FBN1: variants seen among roughly 807,000 people sequenced by gnomAD.
FBN1 encodes fibrillin 1, also known as fibrillin-1.
In FBN1, 29 loss-of-function variants were observed where a neutral mutation model predicts 365.1. That is an observed-to-expected ratio of 0.08 (90% confidence interval 0.06 to 0.11). The LOEUF (loss-of-function observed/expected upper bound fraction) is 0.11. Among genes scored for constraint, FBN1 ranks in the 10% least tolerant of loss-of-function variants. The pLI, the probability that FBN1 is intolerant of heterozygous loss-of-function variation, is 1.00. For missense variants in FBN1, 2,476 were observed against 3,703.2 expected (o/e 0.67, Z 8.60); for synonymous variants, 1,210 against 1,270.5 (o/e 0.95, Z 1.01).
At chr15:48,568,413 A>G (rs2044277983) in intron 6 of FBN1, among the ~76,000 whole-genome samples, 1 of 152,154 alleles carries the variant, frequency 6.6e-6, no homozygotes, top group Admixed American at 6.5e-5. Flanking sequence ...GGAAAAATCA[A>G]TACTGTTAAC....
chr15:48,514,630 C>T (rs1369742616), intron 12 of FBN1, among the ~76,000 whole-genome samples: 1 of 152,150 alleles, frequency 6.6e-6, no homozygotes. Context: ...GCAATTTAAA[C>T]TTTCTTTCTT....
intron 47 of FBN1, 129 bp from the exon 48 acceptor site, chr15:48,445,633 A>G (rs2043152956): frequency 3.2e-6 from 3 of 933,410 alleles, no homozygotes; most frequent in Non-Finnish European, 5.0e-6. Context: ...TAGCCAAACA[A>G]GAAATGCCAA....
At chr15:48,463,297 C>T in intron 41 of FBN1, 57 bp from the exon 42 acceptor site, 2 of 1,520,678 alleles carry the variant, frequency 1.3e-6, no homozygotes, top group Admixed American at 1.7e-5. Flanking sequence ...TGGGAAATCA[C>T]AACAAATTTC....
In FBN1 at chr15:48,430,813, T is replaced by C. The variant is rs768460619; in HGVS notation, c.6740-11A>G. 6.2e-7 allele frequency: 1 copy of C among 1,612,988 alleles called. No homozygotes were observed. On this transcript the variant is annotated splice_polypyrimidine_tract_variant and intron_variant, in intron 55 of 65. Coordinates refer to ENST00000316623, the MANE Select transcript of FBN1 (RefSeq NM_000138.5). ...CACACTCATCCTCATCTGTAAAAAA[T>C]GTACAATCACAAATTTGTCAAAGAA... is the stretch of plus-strand genomic sequence containing the variant.
chr15:48,489,778 G>T, intron 25 of FBN1, 73 bp downstream of exon 25: 1 of 1,127,058 alleles, frequency 8.9e-7, no homozygotes, highest in Non-Finnish European at 1.4e-6. Context: ...CAAGTAGAGT[G>T]CTGAGATCAT....
At position 48,503,948 on chromosome 15, in the gene FBN1, G is replaced by C. The variant is rs1323690451; in HGVS notation, c.1961-9C>G. The C allele has an allele frequency of 6.2e-7, 1 of 1,614,046 alleles. No homozygotes were observed. The highest frequency in any genetic ancestry group is 1.7e-5 in the Admixed American group (1 of 60,030). Reference sequence around the variant, plus strand: ...GCTCCGCATGTGTGTGTCTAAACAGGAAGAAGCATCTGTCATCACACTGTC... The same window carrying C: ...GCTCCGCATGTGTGTGTCTAAACAGCAAGAAGCATCTGTCATCACACTGTC... On this transcript the variant is annotated splice_polypyrimidine_tract_variant and intron_variant, in intron 16 of 65. Coordinates refer to ENST00000316623, the MANE Select transcript of FBN1 (RefSeq NM_000138.5).
intron 9 of FBN1, among the ~76,000 whole-genome samples, chr15:48,524,843 C>T (rs960972079): frequency 6.6e-6 from 1 of 152,194 alleles, no homozygotes; most frequent in South Asian, 2.1e-4. Flanking sequence ...CCCTGTGATC[C>T]ATGAATCTTA....
rs144957056 is a variant in FBN1 at position 48,571,299 on chromosome 15, G to A, written c.538+24984C>T. Among the ~76,000 whole-genome samples the A allele has an allele frequency of 1.8e-3, 273 of 151,974 alleles. 1 individual carries two copies. The highest frequency in any genetic ancestry group is 2.9e-3 in the Admixed American group (45 of 15,272). On this transcript the variant is annotated intron_variant, in intron 6 of 65. Coordinates refer to ENST00000316623, the MANE Select transcript of FBN1 (RefSeq NM_000138.5). ...AGGTATAGCAGAACAATGGCACCCT[G>A]GTAGATCTGTCTTAGGCCTACAACA...
At chr15:48,537,386 C>T (rs1170572341) in intron 7 of FBN1, among the ~76,000 whole-genome samples, 2 of 152,206 alleles carry the variant, frequency 1.3e-5, no homozygotes, top group African/African-American at 2.4e-5. Flanking sequence ...ACAAACACCT[C>T]TGGGGTCAGA....
At chr15:48,537,334 G>A (rs1003113196) in intron 7 of FBN1, among the ~76,000 whole-genome samples, 5 of 152,124 alleles carry the variant, frequency 3.3e-5, no homozygotes, top group Admixed American at 6.5e-5. Flanking sequence ...GCACTGCATC[G>A]CTGTAAACAG....
At chr15:48,424,129 C>G (rs2141224939) in intron 60 of FBN1, among the ~76,000 whole-genome samples, 1 of 152,266 alleles carries the variant, frequency 6.6e-6, no homozygotes, top group East Asian at 1.9e-4. Flanking sequence ...CTCACAGTGA[C>G]CCCAGATGTA....
intron 63 of FBN1, among the ~76,000 whole-genome samples, chr15:48,418,496 G>A (rs1235805104): frequency 3.3e-5 from 5 of 152,168 alleles, no homozygotes; most frequent in African/African-American, 1.2e-4. Flanking sequence ...AATATTCAGT[G>A]TTTACAGTTT....
intron 56 of FBN1, among the ~76,000 whole-genome samples, 182 bp downstream of exon 56, chr15:48,430,489 T>C (rs887115612): frequency 2.0e-5 from 3 of 152,190 alleles, no homozygotes; most frequent in Non-Finnish European, 4.4e-5. Flanking sequence ...ACAATGACAG[T>C]GCTCTTGGAA....
intron 60 of FBN1, 85 bp downstream of exon 60, chr15:48,425,284 G>C: frequency 6.3e-7 from 1 of 1,584,644 alleles, no homozygotes; most frequent in Non-Finnish European, 8.7e-7. Context: ...CAGGTCTTTC[G>C]GCTTGCCTGT....
intron 10 of FBN1, among the ~76,000 whole-genome samples, chr15:48,520,187 G>A (rs1209771254): frequency 6.6e-6 from 1 of 151,672 alleles, no homozygotes; most frequent in Admixed American, 6.6e-5. Flanking sequence ...GAGAAAATAC[G>A]CTTCTAATAG....
At chr15:48,428,181 G>A in intron 57 of FBN1, 165 bp downstream of exon 57, 1 of 859,594 alleles carries the variant, frequency 1.2e-6, no homozygotes, top group Non-Finnish European at 1.9e-6. Flanking sequence ...GGGTGGTGCT[G>A]AGCCCAATGG....
intron 6 of FBN1, among the ~76,000 whole-genome samples, chr15:48,567,959 A>G (rs1191529849): frequency 6.6e-6 from 1 of 150,866 alleles, no homozygotes; most frequent in Non-Finnish European, 1.5e-5. Flanking sequence ...GGTTCTAACC[A>G]GTGCAATGAT....
At chr15:48,559,304 C>G (rs947868286) in intron 6 of FBN1, among the ~76,000 whole-genome samples, 38 of 152,096 alleles carry the variant, frequency 2.5e-4, no homozygotes, top group African/African-American at 9.2e-4. Context: ...TTTTGAGACC[C>G]CTTCGAAAGG....
chr15:48,463,465 G>A (rs1566903343), intron 41 of FBN1, among the ~76,000 whole-genome samples: 1 of 152,124 alleles, frequency 6.6e-6, no homozygotes, highest in Non-Finnish European at 1.5e-5. Context: ...TCATGCCACA[G>A]AACTAAGTCA....
Sources: allele counts gnomAD v4.1 joint callset (sites outside exome capture counted in the v4.1 genomes callset), GRCh38; gene constraint gnomAD v4.1.1; transcripts MANE v1.5; gene names NCBI Gene and HGNC (gene_info 2026-07-23, HGNC 2026-07-21).